The following PHACTR3 variants were observed in gnomAD, a reference collection of about 807,000 sequenced individuals.
PHACTR3 encodes the protein protein phosphatase 1, regulatory subunit 123.
A neutral mutation model predicts 66.8 loss-of-function variants in PHACTR3; 16 were observed. That is an observed-to-expected ratio of 0.24 (90% CI 0.16 to 0.36). The LOEUF is 0.36. PHACTR3 is among the 10% of genes least tolerant of loss of function. The pLI, the probability that PHACTR3 is intolerant of heterozygous loss-of-function variation, is 1.00. For missense variants in PHACTR3, 647 were observed against 719.9 expected, an observed-to-expected ratio of 0.90 and a Z score of 1.16; for synonymous variants, 323 against 292.1, an observed-to-expected ratio of 1.11 and a Z score of -1.08.
chr20:59,642,255 G>A (rs1047621579), intron 1 of PHACTR3, among the ~76,000 whole-genome samples: 17 of 151,976 alleles, frequency 1.1e-4, no homozygotes, highest in East Asian at 3.8e-4. Context: ...TGCAGGGTTC[G>A]GTGGATAATT....
intron 8 of PHACTR3, among the ~76,000 whole-genome samples, chr20:59,833,340 T>C (rs2042441368): frequency 6.6e-6 from 1 of 152,250 alleles, no homozygotes; most frequent in South Asian, 2.1e-4. Flanking sequence ...ATGTCCACGC[T>C]TTCCTGAGGT....
chr20:59,691,948 G>A (rs1245712929), intron 1 of PHACTR3, among the ~76,000 whole-genome samples: 1 of 152,182 alleles, frequency 6.6e-6, no homozygotes, highest in African/African-American at 2.4e-5. Flanking sequence ...TTAGTGGACT[G>A]CCACGATTTA....
intron 1 of PHACTR3, among the ~76,000 whole-genome samples, chr20:59,631,184 C>G (rs986596526): frequency 6.6e-6 from 1 of 152,184 alleles, no homozygotes; most frequent in Non-Finnish European, 1.5e-5. Flanking sequence ...TCTTAGGGGC[C>G]CTTGGTTGCC....
rs117411300 is a variant in PHACTR3 at position 59,670,732 on chromosome 20, C to T, written c.118+65600C>T. On this transcript the variant is annotated intron_variant, in intron 1 of 12. Transcript: ENST00000371015. The stretch of plus-strand genomic sequence containing the variant: ...TATGTTTGTTGGACCTGTGACAGCA[C>T]GTGGTGCTTGTGTTTACAGCCTGCT... Among the ~76,000 whole-genome samples, 242 of 152,236 alleles carry T rather than the reference C, an allele frequency of 1.6e-3. 9 individuals are homozygous for T. The East Asian group carries it at 0.034, about 21-fold the overall frequency.
At chr20:59,625,217 A>C (rs980284280) in intron 1 of PHACTR3, among the ~76,000 whole-genome samples, 2 of 152,064 alleles carry the variant, frequency 1.3e-5, no homozygotes, top group African/African-American at 4.8e-5. Flanking sequence ...GGGTCTGCAG[A>C]GATCTCTCTG....
At chr20:59,682,762 C>T (rs997292975) in intron 1 of PHACTR3, among the ~76,000 whole-genome samples, 5 of 152,100 alleles carry the variant, frequency 3.3e-5, no homozygotes, top group Admixed American at 1.3e-4. Context: ...GAAGACGCCC[C>T]GAATAAGAGC....
intron 1 of PHACTR3, among the ~76,000 whole-genome samples, chr20:59,599,525 AC>A (rs1200965026): frequency 4.6e-5 from 7 of 151,700 alleles, no homozygotes; most frequent in African/African-American, 1.7e-4. Flanking sequence ...CTTCCACATC[AC>A]CCCAAAGGCT....
rs1413817310 is a variant in PHACTR3 at position 59,754,465 on chromosome 20, C to T, written c.359-717C>T. Reference sequence around the variant, plus strand: ...TGCGTGGCTTCCTCAGAGTGTGAGACCCCTGGGGGCAAGGACTGTATCTTA... The same window carrying T: ...TGCGTGGCTTCCTCAGAGTGTGAGATCCCTGGGGGCAAGGACTGTATCTTA... On this transcript the variant is annotated intron_variant, in intron 3 of 12. Coordinates refer to ENST00000371015, the MANE Select transcript of PHACTR3 (RefSeq NM_080672.5). 2.0e-5 allele frequency among the ~76,000 whole-genome samples: 3 copies of T among 152,186 alleles called. No individual in the cohort carries two copies. The East Asian group carries it at 5.8e-4, about 29-fold the overall frequency.
chr20:59,765,033 C>T (rs1156618232), intron 4 of PHACTR3, among the ~76,000 whole-genome samples: 1 of 152,214 alleles, frequency 6.6e-6, no homozygotes, highest in African/African-American at 2.4e-5. Flanking sequence ...GAAAACTCCA[C>T]AAAGTTATAA....
chr20:59,775,103 A>G (rs1477504961), intron 7 of PHACTR3, among the ~76,000 whole-genome samples: 1 of 140,912 alleles, frequency 7.1e-6, no homozygotes, highest in African/African-American at 2.5e-5. Context: ...TAATTGCTCC[A>G]TCCTACCCTT....
chr20:59,693,565 C>G (rs1171648875), intron 1 of PHACTR3, among the ~76,000 whole-genome samples: 2 of 152,216 alleles, frequency 1.3e-5, no homozygotes, highest in Non-Finnish European at 2.9e-5. Context: ...CCAGCCCTGT[C>G]TGTAGCTTCA....
intron 7 of PHACTR3, 130 bp downstream of exon 7, chr20:59,774,620 G>C: frequency 1.6e-6 from 2 of 1,274,174 alleles, no homozygotes; most frequent in Admixed American, 2.4e-5. Flanking sequence ...GAAACAAGAG[G>C]GGGGCTGTGT....
chr20:59,835,718 T>G (rs1290466059), intron 8 of PHACTR3: 2 of 152,208 alleles, frequency 1.3e-5, no homozygotes, highest in Non-Finnish European at 2.9e-5. Flanking sequence ...GACTGTTGGC[T>G]GCATCCTCCA....
chr20:59,735,273 T>G (rs993815037), intron 1 of PHACTR3, among the ~76,000 whole-genome samples: 1 of 152,190 alleles, frequency 6.6e-6, no homozygotes, highest in Non-Finnish European at 1.5e-5. Flanking sequence ...TGATGGAATT[T>G]ACTGCTCTGT....
At chr20:59,751,496 T>C (rs1455576159) in intron 3 of PHACTR3, among the ~76,000 whole-genome samples, 1 of 152,120 alleles carries the variant, frequency 6.6e-6, no homozygotes, top group African/African-American at 2.4e-5. Context: ...ACATACACAT[T>C]GGACACCCTG....
rs143486154 is a variant in PHACTR3, at chr20:59,711,706, A to G, written c.119-31401A>G. On this transcript the variant is annotated intron_variant, in intron 1 of 12. Transcript: ENST00000371015. ...AAATATCAAATATCTCATATAATTT[A>G]TCAAATACTGTTTACCCCGTCAAAA... Among the ~76,000 whole-genome samples the G allele has an allele frequency of 2.7e-3, 415 of 152,334 alleles. 1 individual carries two copies. The highest frequency in any genetic ancestry group is 4.7e-3 in the Non-Finnish European group (317 of 68,024).
At chr20:59,669,230 G>A (rs6070902) in intron 1 of PHACTR3, among the ~76,000 whole-genome samples, 2 of 152,130 alleles carry the variant, frequency 1.3e-5, no homozygotes, top group African/African-American at 2.4e-5. Flanking sequence ...TGTGACCCCC[G>A]GTGTGGAGTA....
At chr20:59,805,567 A>C (rs2041540972) in intron 7 of PHACTR3, among the ~76,000 whole-genome samples, 1 of 152,142 alleles carries the variant, frequency 6.6e-6, no homozygotes, top group South Asian at 2.1e-4. Flanking sequence ...AGGAGATGAC[A>C]TGGAGACCCT....
intron 1 of PHACTR3, among the ~76,000 whole-genome samples, chr20:59,606,247 T>C (rs1235287184): frequency 6.6e-6 from 1 of 152,092 alleles, no homozygotes; most frequent in African/African-American, 2.4e-5. Context: ...CACCAGAGCT[T>C]CCCGATAAAC....
Sources: allele counts gnomAD v4.1 joint callset (sites outside exome capture counted in the v4.1 genomes callset), GRCh38; gene constraint gnomAD v4.1.1; transcripts MANE v1.5; gene names NCBI Gene and HGNC (gene_info 2026-07-23, HGNC 2026-07-21).